The following MAP2K6 variants were observed in gnomAD, a reference collection of about 807,000 sequenced individuals.
MAP2K6 encodes mitogen-activated protein kinase kinase 6.
MAP2K6 carries 16 observed loss-of-function variants against 53.7 expected under a neutral mutation model. That is an observed-to-expected ratio of 0.30 (90% CI 0.20 to 0.45). The LOEUF (loss-of-function observed/expected upper bound fraction) is 0.45, where lower values mean the gene tolerates loss of function less well. Ranked by LOEUF, MAP2K6 falls within the 20% of genes least tolerant of loss-of-function variation. MAP2K6 has a pLI of 1.00. For missense variants in MAP2K6, 204 were observed against 411.9 expected, an observed-to-expected ratio of 0.50 and a Z score of 4.37; for synonymous variants, 132 against 143.1, an observed-to-expected ratio of 0.92 and a Z score of 0.55.
chr17:69,476,699 A>G (rs1908162437), intron 1 of MAP2K6, among the ~76,000 whole-genome samples: 1 of 152,112 alleles, frequency 6.6e-6, no homozygotes, highest in Non-Finnish European at 1.5e-5. Context: ...ATGAATTTCT[A>G]TCTCCCCTCT....
chr17:69,541,950 G>A lies in MAP2K6; in HGVS notation c.*197G>A, dbSNP rs1911659338. The A allele has an allele frequency of 2.5e-6, 1 of 403,728 alleles. No homozygotes were observed. Among genetic ancestry groups the A allele is most frequent in the Non-Finnish European group, 4.7e-6 (1 of 213,474 alleles). The allele number at this position is 403,728 out of a possible 1,614,324, so 25.0% of individuals were successfully genotyped here. On this transcript the variant is annotated 3_prime_UTR_variant, in exon 12 of 12. Transcript: ENST00000590474. ...TCTATAGTATAGAATGAACTGTCTA[G>A]ATGGATGAATTATGATAAAGGCTTA...
At chr17:69,535,527 G>A (rs1911311564) in intron 10 of MAP2K6, among the ~76,000 whole-genome samples, 1 of 152,114 alleles carries the variant, frequency 6.6e-6, no homozygotes, top group Admixed American at 6.6e-5. Flanking sequence ...GGGAGGTGGA[G>A]GCTGCAGTGA....
chr17:69,466,812 G>T (rs1370490783), intron 1 of MAP2K6, among the ~76,000 whole-genome samples: 2 of 152,128 alleles, frequency 1.3e-5, no homozygotes, highest in African/African-American at 4.8e-5. Flanking sequence ...CCTGTTCCAG[G>T]TTCAAAGATC....
chr17:69,537,500 T>C, intron 11 of MAP2K6, among the ~76,000 whole-genome samples: 1 of 152,234 alleles, frequency 6.6e-6, no homozygotes, highest in Non-Finnish European at 1.5e-5. Context: ...GAAGCATGGA[T>C]TCCTAGTGTC....
At chr17:69,471,795 G>C (rs1907990590) in intron 1 of MAP2K6, among the ~76,000 whole-genome samples, 1 of 152,354 alleles carries the variant, frequency 6.6e-6, no homozygotes, top group East Asian at 1.9e-4. Flanking sequence ...TCTGTAGGCT[G>C]TAAAGTCTGT....
intron 1 of MAP2K6, among the ~76,000 whole-genome samples, chr17:69,498,378 G>A (rs1267649557): frequency 6.6e-6 from 1 of 152,090 alleles, no homozygotes; most frequent in African/African-American, 2.4e-5. Context: ...TCAGACACTT[G>A]TGAAACTTAA....
chr17:69,486,944 A>G (rs1908561989), intron 1 of MAP2K6, among the ~76,000 whole-genome samples: 1 of 152,330 alleles, frequency 6.6e-6, no homozygotes, highest in East Asian at 1.9e-4. Context: ...GAGGAACCAA[A>G]GTCCAGGAAG....
At chr17:69,537,253 A>G (rs1911406824) in intron 11 of MAP2K6, among the ~76,000 whole-genome samples, 1 of 152,258 alleles carries the variant, frequency 6.6e-6, no homozygotes, top group East Asian at 1.9e-4. Flanking sequence ...GGGGAGAAAT[A>G]TATAAAATTC....
At chr17:69,473,298 CT>C (rs1908040775) in intron 1 of MAP2K6, among the ~76,000 whole-genome samples, 1 of 152,108 alleles carries the variant, frequency 6.6e-6, no homozygotes, top group Admixed American at 6.5e-5. Flanking sequence ...GGATTAATTT[CT>C]GCAGAAAATG....
At chr17:69,534,869 G>A (rs1911276010) in intron 10 of MAP2K6, among the ~76,000 whole-genome samples, 1 of 152,202 alleles carries the variant, frequency 6.6e-6, no homozygotes, top group South Asian at 2.1e-4. Flanking sequence ...ACAGGAGTCT[G>A]TAGGTTGCCT....
chr17:69,520,187 A>T, intron 5 of MAP2K6, 83 bp from the exon 6 acceptor site: 1 of 720,148 alleles, frequency 1.4e-6, no homozygotes, highest in Non-Finnish European at 2.4e-6. Flanking sequence ...ATTCTTCAGG[A>T]TAGGGTTTAC....
At chr17:69,534,635 A>G (rs1012462366) in intron 10 of MAP2K6, among the ~76,000 whole-genome samples, 7 of 150,256 alleles carry the variant, frequency 4.7e-5, no homozygotes, top group African/African-American at 7.4e-5. Flanking sequence ...TCGCTCTCTC[A>G]TGGTTCTGTA....
At chr17:69,444,654 G>A (rs957581935) in intron 1 of MAP2K6, among the ~76,000 whole-genome samples, 1 of 152,158 alleles carries the variant, frequency 6.6e-6, no homozygotes, top group African/African-American at 2.4e-5. Context: ...CATCACTGGG[G>A]ACTGATTCTG....
At chr17:69,530,265 T>C (rs117065989) in intron 10 of MAP2K6, among the ~76,000 whole-genome samples, 4,735 of 152,122 alleles carry the variant, frequency 0.031, 198 homozygotes, top group African/African-American at 0.095. Context: ...CAGTGAGCCA[T>C]AATTGTCCCA....
chr17:69,502,323 G>A (rs1909210799), intron 1 of MAP2K6: 1 of 985,446 alleles, frequency 1.0e-6, no homozygotes, highest in African/African-American at 1.7e-5. Context: ...ACTTCTGTTA[G>A]GTTTTCCTCT....
At chr17:69,417,115 A>G (rs559491374) in intron 1 of MAP2K6, among the ~76,000 whole-genome samples, 1 of 152,338 alleles carries the variant, frequency 6.6e-6, no homozygotes, top group South Asian at 2.1e-4. Flanking sequence ...CTTGTCCGAA[A>G]GGAAAATTAT....
rs538622350 is a variant in MAP2K6 at position 69,550,263 on chromosome 17, C to T, written c.*8510C>T. On this transcript the variant is annotated 3_prime_UTR_variant, in exon 12 of 12. Coordinates refer to ENST00000590474, the MANE Select transcript of MAP2K6 (RefSeq NM_002758.4). ...TGGTTGAGAAAAAGGAACGATATGC[C>T]TAAAGCATTTTGAGAATATACCCCT... The T allele has an allele frequency of 6.6e-6, 1 of 152,114 alleles. No homozygotes were observed. 9.4% of individuals were successfully genotyped at this position (152,114 alleles called of 1,614,324 possible).
chr17:69,482,434 A>G (rs1033330541), intron 1 of MAP2K6, among the ~76,000 whole-genome samples: 2 of 152,052 alleles, frequency 1.3e-5, no homozygotes, highest in African/African-American at 4.8e-5. Flanking sequence ...TGCCTTCCCC[A>G]TAACCAACTG....
At chr17:69,502,459 G>A (rs1909217391) in intron 1 of MAP2K6, 18 of 985,208 alleles carry the variant, frequency 1.8e-5, no homozygotes, top group Middle Eastern at 1.0e-3. Flanking sequence ...CTTGTGATTT[G>A]TATTTTATTT....
Sources: allele counts gnomAD v4.1 joint callset (sites outside exome capture counted in the v4.1 genomes callset), GRCh38; gene constraint gnomAD v4.1.1; transcripts MANE v1.5; gene names NCBI Gene and HGNC (gene_info 2026-07-23, HGNC 2026-07-21).